TTC3: variants seen among roughly 807,000 people sequenced by gnomAD.
TTC3 encodes E3 ubiquitin-protein ligase TTC3.
In TTC3, 180 loss-of-function variants were observed where a neutral mutation model predicts 249.6. That is an observed-to-expected ratio of 0.72 (90% CI 0.64 to 0.82). The LOEUF (loss-of-function observed/expected upper bound fraction) is 0.82. TTC3 is among the 40% of genes least tolerant of loss of function. The pLI is 0.00. For synonymous variants in TTC3, 717 were observed against 805.0 expected, an observed-to-expected ratio of 0.89 and a Z score of 1.85; for missense variants, 2,061 against 2,398.4, an observed-to-expected ratio of 0.86 and a Z score of 2.94.
intron 2 of TTC3, 133 bp downstream of exon 2, chr21:37,087,534 A>C (rs953126429): frequency 8.7e-7 from 1 of 1,152,426 alleles, no homozygotes; most frequent in Non-Finnish European, 1.2e-6. Flanking sequence ...TGAAAAGTTG[A>C]TTTGAGAAGG....
At chr21:37,134,837 A>G (rs78699327) in intron 17 of TTC3, among the ~76,000 whole-genome samples, 3,090 of 152,236 alleles carry the variant, frequency 0.02, 56 homozygotes, top group Middle Eastern at 0.044. Flanking sequence ...ACCTATTGTT[A>G]TCTCTCCCAG....
At chr21:37,197,754 T>TTAA (rs2085075766) in intron 43 of TTC3, 58 bp downstream of exon 43, 9 of 1,361,874 alleles carry the variant, frequency 6.6e-6, no homozygotes, top group Non-Finnish European at 8.8e-6. Flanking sequence ...TGAGAATTGT[T>TTAA]AAAAAAAAAA....
intron 15 of TTC3, among the ~76,000 whole-genome samples, chr21:37,128,390 C>G (rs1004933898): frequency 6.6e-6 from 1 of 152,208 alleles, no homozygotes; most frequent in Non-Finnish European, 1.5e-5. Flanking sequence ...CCTCAGCCTG[C>G]CTTAGCAGCC....
intron 1 of TTC3, among the ~76,000 whole-genome samples, chr21:37,077,033 G>A (rs1319850234): frequency 1.3e-5 from 2 of 151,880 alleles, no homozygotes; most frequent in Non-Finnish European, 2.9e-5. Flanking sequence ...TAGTGTTAGG[G>A]AAAGCCTCTT....
intron 20 of TTC3, among the ~76,000 whole-genome samples, chr21:37,143,620 T>C (rs1601750413): frequency 6.6e-6 from 1 of 151,250 alleles, no homozygotes; most frequent in East Asian, 1.9e-4. Flanking sequence ...TGTGGAGAAA[T>C]AGGAACACTT....
At position 37,162,169 on chromosome 21, in the gene TTC3, T is replaced by C. The variant is rs954212698; in HGVS notation, c.3170+106T>C. 8.0e-5 allele frequency: 54 copies of C among 677,434 alleles called. 1 individual carries two copies. Among genetic ancestry groups the C allele is most frequent in the Middle Eastern group, 8.8e-4 (2 of 2,264 alleles). The allele number at this position is 677,434 out of a possible 1,614,324, so 42.0% of individuals were successfully genotyped here. On this transcript the variant is annotated intron_variant, in intron 31 of 45. Coordinates refer to ENST00000355666, the Ensembl canonical transcript of TTC3. ...AACTTGTGTTTTATTTCCCTAACTT[T>C]CCTTTCTAAAGCTGTGCATCTGACA...
At chr21:37,074,609 C>T (rs1158282737) in intron 1 of TTC3, among the ~76,000 whole-genome samples, 1 of 152,142 alleles carries the variant, frequency 6.6e-6, no homozygotes, top group Non-Finnish European at 1.5e-5. Context: ...AGATTTTACT[C>T]CTCCGGAGAG....
intron 10 of TTC3, among the ~76,000 whole-genome samples, chr21:37,099,438 A>G (rs760767205): frequency 2.0e-5 from 3 of 152,228 alleles, no homozygotes; most frequent in Non-Finnish European, 4.4e-5. Context: ...GAACCCAGGC[A>G]GCCTGGATGT....
At chr21:37,190,430 G>A (rs919317476) in intron 39 of TTC3, among the ~76,000 whole-genome samples, 2 of 151,894 alleles carry the variant, frequency 1.3e-5, no homozygotes, top group Non-Finnish European at 2.9e-5. Context: ...CACCATGCCC[G>A]GCCCCTTCTT....
chr21:37,144,790 C>G (rs1386415115), intron 21 of TTC3, 145 bp downstream of exon 21: 6 of 1,052,728 alleles, frequency 5.7e-6, no homozygotes, highest in Non-Finnish European at 7.9e-6. Flanking sequence ...ATGAGAATCT[C>G]TGACATTTAT....
chr21:37,186,749 A>G (rs2083335326), intron 37 of TTC3, among the ~76,000 whole-genome samples: 2 of 152,184 alleles, frequency 1.3e-5, no homozygotes, highest in African/African-American at 4.8e-5. Flanking sequence ...TAATGTCACC[A>G]GATTGTACTC....
intron 11 of TTC3, among the ~76,000 whole-genome samples, chr21:37,113,850 A>G (rs2075890996): frequency 6.6e-6 from 1 of 152,184 alleles, no homozygotes; most frequent in Admixed American, 6.5e-5. Flanking sequence ...ATATAGACCA[A>G]TGGAACAGAA....
chr21:37,161,557 GA>G (rs35493884), intron 30 of TTC3, among the ~76,000 whole-genome samples: 152,388 of 152,388 alleles, frequency 1, 76,194 homozygotes, highest in Non-Finnish European at 1. Context: ...CACTGTGCCA[GA>G]AGTAGGGCAC....
chr21:37,073,813 G>GC (rs2070393407), intron 1 of TTC3, among the ~76,000 whole-genome samples: 1 of 152,144 alleles, frequency 6.6e-6, no homozygotes, highest in South Asian at 2.1e-4. Flanking sequence ...CTTGCAGGTG[G>GC]CCCCCCTTTG....
At chr21:37,162,425 GC>G (rs11318067) in intron 31 of TTC3, among the ~76,000 whole-genome samples, 152,342 of 152,342 alleles carry the variant, frequency 1, 76,171 homozygotes, top group Non-Finnish European at 1. Context: ...AGGCATTTTT[GC>G]CTGTAAGAGA....
rs2076615432 is a variant in TTC3, at chr21:37,121,929, A to C, written c.1013A>C (p.Asp338Ala). 17 of 1,612,802 alleles carry C rather than the reference A, an allele frequency of 1.1e-5. No homozygotes were observed. The highest frequency in any genetic ancestry group is 1.4e-5 in the Non-Finnish European group (17 of 1,179,486). ...AAAAATGACCCTGAGGGAATCAAGG[A>C]TCTAATTCAGCAGCATGTAAAGTTA... Residue 338 changes from aspartate (D) to alanine (A), a missense_variant, in exon 12 of 46, where the codon GAT becomes GCT. By Grantham distance (126) the Asp-to-Ala change is moderately radical. Coordinates refer to ENST00000355666, the Ensembl canonical transcript of TTC3.
At chr21:37,137,259 A>G (rs1444303120) in intron 18 of TTC3, among the ~76,000 whole-genome samples, 1 of 152,224 alleles carries the variant, frequency 6.6e-6, no homozygotes, top group Non-Finnish European at 1.5e-5. Flanking sequence ...TTATAAGGCT[A>G]TAGCTGCCAT....
chr21:37,177,299 G>T lies in TTC3; in HGVS notation c.4617+4555G>T, dbSNP rs73905421. Among the ~76,000 whole-genome samples, 991 of 152,254 alleles carry T rather than the reference G, an allele frequency of 6.5e-3. 12 individuals carry two copies. The highest frequency in any genetic ancestry group is 0.022 in the African/African-American group (927 of 41,546). On this transcript the variant is annotated intron_variant, in intron 35 of 45. Transcript: ENST00000355666. ...CCTTTCAAGCTTCTACTGACTTCAG[G>T]TCTGCTCAGACCCCACCGGCAAAAG...
At chr21:37,192,315 G>T in intron 41 of TTC3, 102 bp downstream of exon 41, 2 of 701,722 alleles carry the variant, frequency 2.9e-6, no homozygotes, top group Non-Finnish European at 4.6e-6. Flanking sequence ...GGATGAGATT[G>T]GTTAATAATT....
Sources: allele counts gnomAD v4.1 joint callset (sites outside exome capture counted in the v4.1 genomes callset), GRCh38; gene constraint gnomAD v4.1.1; transcripts MANE v1.5; gene names NCBI Gene and HGNC (gene_info 2026-07-23, HGNC 2026-07-21).